Variants in INTS6 observed in about 807,000 individuals in gnomAD.
INTS6 encodes the protein integrator complex subunit 6.
In INTS6, 16 loss-of-function variants were observed where a neutral mutation model predicts 104.9. The ratio of observed to expected loss-of-function variants is 0.15; its 90% CI spans 0.10 to 0.23. INTS6 has a LOEUF of 0.23. Among genes scored for constraint, INTS6 ranks in the 10% least tolerant of loss-of-function variants. INTS6 has a pLI of 1.00. For missense variants in INTS6, 584 were observed against 1,062.8 expected, an observed-to-expected ratio of 0.55 and a Z score of 6.26; for synonymous variants, 324 against 358.7, an observed-to-expected ratio of 0.90 and a Z score of 1.09.
intron 4 of INTS6, among the ~76,000 whole-genome samples, chr13:51,423,702 G>A (rs1215696424): frequency 1.3e-5 from 2 of 151,940 alleles, no homozygotes; most frequent in Non-Finnish European, 2.9e-5. Flanking sequence ...TTGGAAACCC[G>A]TTCCCAAATT....
In INTS6 at chr13:51,452,092, G is replaced by T; in HGVS notation, c.112-37C>A. 4.4e-6 allele frequency: 7 copies of T among 1,586,632 alleles called. No individual in the cohort carries two copies. The highest frequency in any genetic ancestry group is 1.1e-5 in the South Asian group (1 of 90,304). ...GAGGAGGAACAGGGCGGGCGACAGG[G>T]AAGCACAGAGGCGAGGTTACGAGGC... On this transcript the variant is annotated intron_variant, in intron 1 of 17. Transcript: ENST00000311234. This position sits in a 1 kb window ranked among gnomAD's most constrained non-coding sequence, Gnocchi z 4.2.
chr13:51,342,178 C>CAAAA, the INTS6 span, among the ~76,000 whole-genome samples: 93 of 63,422 alleles, frequency 1.5e-3, no homozygotes, highest in African/African-American at 2.0e-3. Context: ...AAAGACAGAA[C>CAAAA]AAAAAAAAAA....
At chr13:51,353,506 T>C (rs1420540363), downstream of INTS6, among the ~76,000 whole-genome samples, 4 of 152,192 alleles carry the variant, frequency 2.6e-5, no homozygotes, top group Non-Finnish European at 4.4e-5. Flanking sequence ...TGCAGGTAGT[T>C]ACTTGATCCA....
intron 5 of INTS6, among the ~76,000 whole-genome samples, chr13:51,393,368 G>A (rs1272111269): frequency 1.3e-5 from 2 of 152,114 alleles, no homozygotes; most frequent in African/African-American, 2.4e-5. Flanking sequence ...ATGAGCCACC[G>A]CGCCCGGCCA....
At chr13:51,391,525 G>A (rs1956245845) in intron 5 of INTS6, among the ~76,000 whole-genome samples, 1 of 152,112 alleles carries the variant, frequency 6.6e-6, no homozygotes, top group Non-Finnish European at 1.5e-5. Context: ...TTCCTCATGT[G>A]TACTTATTGT....
In INTS6 at chr13:51,368,920, C is replaced by A; in HGVS notation, c.2476+19G>T. The stretch of plus-strand genomic sequence containing the variant: ...ACATACAGAAATCAGATCTGAGGTT[C>A]GTCTCTTATTATACATACTTCTTCC... On this transcript the variant is annotated intron_variant, in intron 16 of 17. Transcript: ENST00000311234. The A allele has an allele frequency of 6.6e-7, 1 of 1,526,572 alleles. No homozygotes were observed. The highest frequency in any genetic ancestry group is 8.8e-7 in the Non-Finnish European group (1 of 1,138,436). 94.6% of individuals were successfully genotyped at this position (1,526,572 alleles called of 1,614,324 possible).
chr13:51,391,969 T>C (rs919804093), intron 5 of INTS6, among the ~76,000 whole-genome samples: 1 of 152,188 alleles, frequency 6.6e-6, no homozygotes, highest in Admixed American at 6.5e-5. Flanking sequence ...GGCACAGCCA[T>C]CCATCTCTAG....
rs953339610 is a variant in INTS6 at position 51,362,604 on chromosome 13, G to A, written c.*3148C>T. On this transcript the variant is annotated 3_prime_UTR_variant, in exon 18 of 18. Coordinates refer to ENST00000311234, the MANE Select transcript of INTS6 (RefSeq NM_012141.3). ...TAAGAGTTGTTGGCAAGTCTAAACA[G>A]TGTATTAAAAAGAAATAGGATAGAA... The A allele has an allele frequency of 3.9e-5, 6 of 152,418 alleles. No homozygotes were observed. The highest frequency in any genetic ancestry group is 1.4e-4 in the African/African-American group (6 of 41,396). 9.4% of individuals were successfully genotyped at this position (152,418 alleles called of 1,614,324 possible).
At position 51,382,017 on chromosome 13, in the gene INTS6, T is replaced by C. The variant is rs1956061339; in HGVS notation, c.1275+12A>G. 6.3e-7 allele frequency: 1 copy of C among 1,580,720 alleles called. No homozygotes were observed. Among genetic ancestry groups the C allele is most frequent in the African/African-American group, 1.3e-5 (1 of 74,316 alleles). Reference sequence around the variant, plus strand: ...CGCCCGGCCAACAAGTTCTTTTAAATAATATTCTTACCCCAAGATAGTAGG... The same window carrying C: ...CGCCCGGCCAACAAGTTCTTTTAAACAATATTCTTACCCCAAGATAGTAGG... On this transcript the variant is annotated intron_variant, in intron 10 of 17. Transcript: ENST00000311234.
intron 4 of INTS6, among the ~76,000 whole-genome samples, chr13:51,425,685 G>A (rs1168402027): frequency 6.6e-6 from 1 of 152,026 alleles, no homozygotes; most frequent in Non-Finnish European, 1.5e-5. Context: ...GTACAGAATA[G>A]TTTTCCATTG....
At chr13:51,374,077 C>A in intron 15 of INTS6, 131 bp downstream of exon 15, 1 of 667,770 alleles carries the variant, frequency 1.5e-6, no homozygotes, top group Non-Finnish European at 2.5e-6. Flanking sequence ...CTCATTTAAA[C>A]AAATTTTCTA....
chr13:51,355,213 G>T, intron 3 of INTS6: 1 of 731,228 alleles, frequency 1.4e-6, no homozygotes, highest in South Asian at 1.7e-5. Flanking sequence ...TTTGATTAAG[G>T]GATTCTCATT....
intron 16 of INTS6, 111 bp from the exon 17 acceptor site, chr13:51,368,009 C>T (rs1955727063): frequency 1.8e-6 from 1 of 542,080 alleles, no homozygotes. Context: ...TAAAAACATT[C>T]TACATAAAAA....
chr13:51,429,829 G>C (rs9526760), intron 4 of INTS6, among the ~76,000 whole-genome samples: 49,980 of 132,024 alleles, frequency 0.38, 10,231 homozygotes, highest in African/African-American at 0.56. Context: ...ATTTGACTTA[G>C]AGAAAACAAA....
chr13:51,405,065 T>C (rs920188728), intron 4 of INTS6, among the ~76,000 whole-genome samples: 5 of 152,174 alleles, frequency 3.3e-5, no homozygotes, highest in African/African-American at 1.2e-4. Context: ...TCAGAGGAAG[T>C]AGCATCTGAG....
intron 3 of INTS6, chr13:51,446,608 T>C (rs1952923810): frequency 6.6e-6 from 1 of 152,198 alleles, no homozygotes. Context: ...TACACAACCA[T>C]GTTCATTGCA....
chr13:51,364,375 G>A lies in INTS6; in HGVS notation c.*1377C>T. ...GAAATTTAAAAAAATGTCTGATAAA[G>A]TGTAAAAAGCTAAGGGTATGTGATT... On this transcript the variant is annotated 3_prime_UTR_variant, in exon 18 of 18. Coordinates refer to ENST00000311234, the MANE Select transcript of INTS6 (RefSeq NM_012141.3). 1.5e-6 allele frequency: 1 copy of A among 679,268 alleles called. No individual in the cohort carries two copies. Among genetic ancestry groups the A allele is most frequent in the East Asian group, 3.0e-5 (1 of 33,370 alleles). The allele number at this position is 679,268 out of a possible 1,614,324, so 42.1% of individuals were successfully genotyped here.
At chr13:51,416,742 T>C (rs1265146392) in intron 4 of INTS6, among the ~76,000 whole-genome samples, 3 of 152,216 alleles carry the variant, frequency 2.0e-5, no homozygotes, top group Non-Finnish European at 4.4e-5. Context: ...TACCCCAGAA[T>C]AGAATTATTG....
intron 6 of INTS6, among the ~76,000 whole-genome samples, chr13:51,388,081 A>G (rs908898998): frequency 3.9e-5 from 6 of 152,224 alleles, no homozygotes; most frequent in African/African-American, 1.4e-4. Flanking sequence ...CAAAACAGCA[A>G]CTATCTTCAA....
Sources: allele counts gnomAD v4.1 joint callset (sites outside exome capture counted in the v4.1 genomes callset), GRCh38; gene constraint gnomAD v4.1.1; non-coding constraint Gnocchi (gnomAD v3.1); transcripts MANE v1.5; gene names NCBI Gene and HGNC (gene_info 2026-07-23, HGNC 2026-07-21).